Variants in VIPR2 observed in about 807,000 individuals in gnomAD.
VIPR2 encodes vasoactive intestinal polypeptide receptor 2.
A neutral mutation model predicts 58.0 loss-of-function variants in VIPR2; 48 were observed. The ratio of observed to expected loss-of-function variants is 0.83; its 90% CI spans 0.66 to 1.05. VIPR2 has a LOEUF of 1.05. Among genes scored for constraint, VIPR2 ranks in the 50% least tolerant of loss-of-function variants. The probability of loss-of-function intolerance (pLI) is 0.00; values close to 1 mark genes in which losing one functional copy is unlikely to be tolerated. For synonymous variants in VIPR2, 243 were observed against 235.2 expected (o/e 1.03, Z -0.30); for missense variants, 534 against 558.0 (o/e 0.96, Z 0.43).
chr7:159,100,765 C>T lies in VIPR2; in HGVS notation c.357+2992G>A, dbSNP rs112709148. 9.2e-3 allele frequency among the ~76,000 whole-genome samples: 1,359 copies of T among 148,158 alleles called. 19 individuals carry two copies. The highest frequency in any genetic ancestry group is 0.032 in the African/African-American group (1,298 of 40,004). On this transcript the variant is annotated intron_variant, in intron 4 of 12. Coordinates refer to ENST00000262178, the MANE Select transcript of VIPR2 (RefSeq NM_003382.5). Reference sequence around the variant, plus strand: ...TTCCGACTGTTCCTGTGATAGTGAACGGGTCTCAGATCCGACGAGGCGGTT... The same window carrying T: ...TTCCGACTGTTCCTGTGATAGTGAATGGGTCTCAGATCCGACGAGGCGGTT...
intron 5 of VIPR2, among the ~76,000 whole-genome samples, chr7:159,056,349 G>A (rs1855327164): frequency 6.6e-6 from 1 of 151,978 alleles, no homozygotes; most frequent in South Asian, 2.1e-4. Flanking sequence ...TTCTCATCCT[G>A]AGAATAGGCC....
chr7:159,110,136 A>G (rs919706050), intron 2 of VIPR2, among the ~76,000 whole-genome samples: 1 of 152,220 alleles, frequency 6.6e-6, no homozygotes, highest in Non-Finnish European at 1.5e-5. Context: ...ACTTCAATGT[A>G]TACCATGTAC....
chr7:159,106,726 G>C (rs1795745311), intron 3 of VIPR2, among the ~76,000 whole-genome samples: 1 of 139,766 alleles, frequency 7.2e-6, no homozygotes. Flanking sequence ...GGGAAGGGCA[G>C]AGAGAGGCCA....
rs1196161764 is a variant in VIPR2 at position 159,035,945 on chromosome 7, G to A, written c.809+7C>T. ...TTTTCGAGGTTGCAGTCTGGTCATG[G>A]ACTCACCCGGTGTCTTCTAAGTAGA... On this transcript the variant is annotated splice_region_variant and intron_variant, in intron 8 of 12. Transcript: ENST00000262178. 8.1e-6 allele frequency: 13 copies of A among 1,613,274 alleles called. No individual in the cohort carries two copies. In the South Asian group the frequency reaches 1.3e-4, roughly 16 times the overall value.
At chr7:159,069,905 G>A (rs1183879799) in intron 4 of VIPR2, among the ~76,000 whole-genome samples, 2 of 152,126 alleles carry the variant, frequency 1.3e-5, no homozygotes, top group African/African-American at 4.8e-5. Context: ...ACTGTCTGTC[G>A]TTGGCTGATT....
intron 4 of VIPR2, among the ~76,000 whole-genome samples, chr7:159,085,463 T>C (rs1857121368): frequency 6.6e-6 from 1 of 152,002 alleles, no homozygotes; most frequent in African/African-American, 2.4e-5. Flanking sequence ...GCCCGGCTAA[T>C]TTTTGTATTT....
At chr7:159,108,421 T>TGCATTTCAGATCATCTA (rs1243887549) in intron 3 of VIPR2, among the ~76,000 whole-genome samples, 4 of 152,244 alleles carry the variant, frequency 2.6e-5, no homozygotes. Flanking sequence ...ATATTTCCCC[T>TGCATTTCAGATCATCTA]GCATTTCAGA....
At chr7:159,144,613 C>A (rs1414848200) in intron 1 of VIPR2, 108 bp downstream of exon 1, 3 of 1,378,676 alleles carry the variant, frequency 2.2e-6, no homozygotes, top group Non-Finnish European at 2.8e-6. Context: ...ACCCCGCCCG[C>A]GCTCCAGCAC....
Position 159,042,038 on chromosome 7 carries a change from ACG to A in VIPR2, c.597+995_597+996del, listed in dbSNP as rs1445778865. 3.3e-5 allele frequency among the ~76,000 whole-genome samples: 5 copies of A among 152,270 alleles called. No homozygotes were observed. The East Asian group carries it at 9.6e-4, about 29-fold the overall frequency. On this transcript the variant is annotated intron_variant, in intron 6 of 12. Transcript: ENST00000262178. Reference sequence around the variant, plus strand: ...ACAGCAAATCTGATTCACAGGCATCACGCGCCAGCTTATCCCCAGAGGCACAT... The same window carrying A: ...ACAGCAAATCTGATTCACAGGCATCACGCCAGCTTATCCCCAGAGGCACAT...
chr7:159,068,148 G>A (rs923458509), intron 4 of VIPR2, among the ~76,000 whole-genome samples: 2 of 152,180 alleles, frequency 1.3e-5, no homozygotes, highest in African/African-American at 4.8e-5. Flanking sequence ...CCTTAGATAC[G>A]AGTATTACTA....
At chr7:159,038,335 A>G (rs1049016770) in intron 6 of VIPR2, among the ~76,000 whole-genome samples, 1 of 152,068 alleles carries the variant, frequency 6.6e-6, no homozygotes, top group African/African-American at 2.4e-5. Context: ...GACACTGCAC[A>G]GGTGAGAGTT....
intron 4 of VIPR2, among the ~76,000 whole-genome samples, chr7:159,101,872 T>C (rs13309672): frequency 7.1e-6 from 1 of 141,514 alleles, no homozygotes; most frequent in Non-Finnish European, 1.5e-5. Flanking sequence ...CGGTTCCCAC[T>C]GTTCCTGTGG....
chr7:159,126,172 CAG>C (rs1443456638), intron 2 of VIPR2, among the ~76,000 whole-genome samples: 3 of 152,180 alleles, frequency 2.0e-5, no homozygotes. Flanking sequence ...ATCTCCCTGT[CAG>C]TGACATTTTT....
chr7:159,075,672 G>T (rs1856600415), intron 4 of VIPR2, among the ~76,000 whole-genome samples: 1 of 149,294 alleles, frequency 6.7e-6, no homozygotes, highest in South Asian at 2.1e-4. Context: ...CCACATCAGG[G>T]AGTAGCCCAG....
intron 4 of VIPR2, among the ~76,000 whole-genome samples, chr7:159,092,699 G>A (rs137883919): frequency 0.02 from 2,998 of 148,222 alleles, 114 homozygotes; most frequent in African/African-American, 0.071. Flanking sequence ...TGCCCAGGCT[G>A]GAGTGCAGTG....
Position 159,030,410 on chromosome 7 carries a change from A to C in VIPR2, c.*206T>G, listed in dbSNP as rs1853469173. 1.3e-5 allele frequency: 7 copies of C among 522,436 alleles called. No homozygotes were observed. The highest frequency in any genetic ancestry group is 4.0e-5 in the Admixed American group (1 of 25,092). The allele number at this position is 522,436 out of a possible 1,614,324, so 32.4% of individuals were successfully genotyped here. On this transcript the variant is annotated 3_prime_UTR_variant, in exon 13 of 13. Transcript: ENST00000262178. Reference sequence around the variant, plus strand: ...AAACACATTTTGCACAAGATTATCTAAATGCTGGAGTTTAAATCGAGTCAA... The same window carrying C: ...AAACACATTTTGCACAAGATTATCTCAATGCTGGAGTTTAAATCGAGTCAA...
chr7:159,067,958 C>T (rs1479883978), intron 4 of VIPR2, among the ~76,000 whole-genome samples: 6 of 152,250 alleles, frequency 3.9e-5, no homozygotes, highest in South Asian at 4.1e-4. Flanking sequence ...CTGCGGGGGC[C>T]GCTAGCCCCT....
rs779998027 is a variant in VIPR2 at position 159,034,611 on chromosome 7, G to C, written c.849C>G (p.Val283=). The C allele has an allele frequency of 6.2e-7, 1 of 1,613,968 alleles. No homozygotes were observed. The highest frequency in any genetic ancestry group is 8.5e-7 in the Non-Finnish European group (1 of 1,179,922). ...TGGAAATTAAAATCGGTATTCGTAT[G>C]ACCCACCAGGGCACACTGTGGTCGT... ...DTNDHSVPWW[V]IRIPILISII... The change falls in exon 9 of 13, where the codon GTC becomes GTG. Residue 283 remains valine (V), a synonymous_variant. Coordinates refer to ENST00000262178, the MANE Select transcript of VIPR2 (RefSeq NM_003382.5).
At chr7:159,044,880 C>T (rs984925963) in intron 5 of VIPR2, among the ~76,000 whole-genome samples, 5 of 152,108 alleles carry the variant, frequency 3.3e-5, no homozygotes, top group Non-Finnish European at 7.4e-5. Flanking sequence ...ATTCTCCTAC[C>T]TCAGCCTTCT....
Sources: gnomAD v4.1 joint callset for allele counts (sites outside exome capture counted in the v4.1 genomes callset) on GRCh38, gnomAD v4.1.1 for gene constraint, MANE v1.5 for transcripts, NCBI Gene and HGNC (gene_info 2026-07-23, HGNC 2026-07-21) for gene names.